The following USH2A variants were observed in gnomAD, a reference collection of about 807,000 sequenced individuals.
The protein encoded by USH2A is usherin.
A neutral mutation model predicts 538.9 loss-of-function variants in USH2A; 443 were observed. That is an observed-to-expected ratio of 0.82 (90% CI 0.76 to 0.89). The LOEUF (loss-of-function observed/expected upper bound fraction) is 0.89, where lower values mean the gene tolerates loss of function less well. USH2A is among the 40% of genes least tolerant of loss of function. The probability of loss-of-function intolerance (pLI) is 0.00; values close to 1 mark genes in which losing one functional copy is unlikely to be tolerated. For synonymous variants in USH2A, 2,413 were observed against 2,273.5 expected (o/e 1.06, Z -1.75); for missense variants, 6,633 against 6,324.8 (o/e 1.05, Z -1.65).
chr1:216,232,813 T>C (rs2102523920), intron 13 of USH2A, among the ~76,000 whole-genome samples: 1 of 152,298 alleles, frequency 6.6e-6, no homozygotes, highest in East Asian at 1.9e-4. Flanking sequence ...TAGATGCTAC[T>C]GTAGGGGCTT....
At chr1:215,968,959 T>C (rs969746918) in intron 36 of USH2A, among the ~76,000 whole-genome samples, 3 of 152,144 alleles carry the variant, frequency 2.0e-5, no homozygotes, top group Admixed American at 2.0e-4. Flanking sequence ...TAAGGACACA[T>C]TAAAAGAATC....
intron 40 of USH2A, among the ~76,000 whole-genome samples, chr1:215,896,912 G>A (rs79692866): frequency 0.12 from 17,568 of 151,934 alleles, 1,393 homozygotes; most frequent in African/African-American, 0.22. Context: ...CAAATTGGCT[G>A]GAACAAACAT....
In USH2A at chr1:216,155,703, C is replaced by T. The variant is rs141889991; in HGVS notation, c.4627+19549G>A. Among the ~76,000 whole-genome samples, 1,090 of 152,288 alleles carry T rather than the reference C, an allele frequency of 7.2e-3. 19 individuals carry two copies. Among genetic ancestry groups the T allele is most frequent in the African/African-American group, 0.025 (1,022 of 41,560 alleles). On this transcript the variant is annotated intron_variant, in intron 21 of 71. Transcript: ENST00000307340. ...GGCTTGGCTTAAATTAAACTTTTTA[C>T]TGCAATGCTGCAGTCTCGGTTAATT... is the stretch of plus-strand genomic sequence containing the variant.
At chr1:215,671,330 A>G (rs1206745290) in intron 63 of USH2A, 37 bp from the exon 64 acceptor site, 14 of 1,606,182 alleles carry the variant, frequency 8.7e-6, no homozygotes, top group Non-Finnish European at 1.1e-5. Context: ...GATTTTCAGC[A>G]AAATAGATTT....
chr1:216,038,814 T>C (rs6699579), intron 32 of USH2A, among the ~76,000 whole-genome samples: 21,514 of 151,982 alleles, frequency 0.14, 2,560 homozygotes, highest in African/African-American at 0.31. Context: ...CACCTCTATT[T>C]GTAACACTTT....
chr1:216,271,069 T>G (rs2036563932), intron 11 of USH2A, among the ~76,000 whole-genome samples: 1 of 152,174 alleles, frequency 6.6e-6, no homozygotes, highest in African/African-American at 2.4e-5. Flanking sequence ...TCTTCCCCAC[T>G]GAGGTAGATT....
rs143690971 is a variant in USH2A, at chr1:216,346,422, G to T, written c.784+18531C>A. On this transcript the variant is annotated intron_variant, in intron 4 of 71. Transcript: ENST00000307340. ...AAGGCTGTCTTGTGTTTCGCATTGC[G>T]TTATCTGATGTTTTTTACTTTTGGG... Among the ~76,000 whole-genome samples the T allele has an allele frequency of 2.5e-3, 379 of 152,136 alleles. 3 individuals carry two copies. The highest frequency in any genetic ancestry group is 8.5e-3 in the African/African-American group (355 of 41,538).
intron 35 of USH2A, among the ~76,000 whole-genome samples, chr1:215,978,166 A>G (rs764579016): frequency 2.6e-4 from 39 of 152,190 alleles, no homozygotes; most frequent in Non-Finnish European, 3.8e-4. Flanking sequence ...TTACTTTGAG[A>G]CAGACAATAG....
chr1:215,643,718 A>T (rs1039558372), intron 67 of USH2A, among the ~76,000 whole-genome samples: 1 of 151,978 alleles, frequency 6.6e-6, no homozygotes, highest in Non-Finnish European at 1.5e-5. Context: ...TTGTAGAGAT[A>T]GGTGTCTTGA....
rs1655911592 is a variant in USH2A at position 215,624,164 on chromosome 1, AATT to A, written c.*1614_*1616del. On this transcript the variant is annotated 3_prime_UTR_variant, in exon 72 of 72. Transcript: ENST00000307340. ...TCTACAGTCACTGCCAGATGTGCAC[AATT>A]ATTTCAGATGCTTTTGTTTATAGCA... is the stretch of plus-strand genomic sequence containing the variant. The A allele has an allele frequency of 6.6e-6, 1 of 152,186 alleles. No homozygotes were observed. Among genetic ancestry groups the A allele is most frequent in the South Asian group, 2.1e-4 (1 of 4,834 alleles). The allele number at this position is 152,186 out of a possible 1,614,324, so 9.4% of individuals were successfully genotyped here.
chr1:215,711,928 G>A (rs753057700), intron 61 of USH2A, among the ~76,000 whole-genome samples: 28 of 152,128 alleles, frequency 1.8e-4, no homozygotes, highest in Non-Finnish European at 3.4e-4. Flanking sequence ...TAACAGATGC[G>A]ATCACCCAGC....
chr1:216,390,081 C>G (rs1279159845), intron 3 of USH2A, among the ~76,000 whole-genome samples: 3 of 152,026 alleles, frequency 2.0e-5, no homozygotes, highest in Non-Finnish European at 4.4e-5. Flanking sequence ...AATATTTTAC[C>G]TACTTCAGCA....
At chr1:215,942,272 C>T (rs1370927666) in intron 37 of USH2A, among the ~76,000 whole-genome samples, 1 of 152,126 alleles carries the variant, frequency 6.6e-6, no homozygotes, top group Non-Finnish European at 1.5e-5. Flanking sequence ...AGTGTGACCA[C>T]TTGCTGTATC....
chr1:216,207,381 T>C lies in USH2A; in HGVS notation c.3208A>G (p.Ile1070Val), dbSNP rs776107177. Residue 1070 changes from isoleucine (I) to valine (V), a missense_variant, in exon 16 of 72, where the codon ATC becomes GTC. Coordinates refer to ENST00000307340, the MANE Select transcript of USH2A (RefSeq NM_206933.4). The stretch of plus-strand genomic sequence containing the variant: ...TCAGGTGGACTCCAGGAGAGATTGA[T>C]AGCAGAAGAACTTTGAACTTGTCCT... ...PRGQVQSSSAINLSWSPPDSP... is the reference protein window; with the variant it reads ...PRGQVQSSSAVNLSWSPPDSP... The C allele has an allele frequency of 4.3e-6, 7 of 1,613,904 alleles. No homozygotes were observed. The highest frequency in any genetic ancestry group is 3.3e-5 in the South Asian group (3 of 91,094).
intron 71 of USH2A, among the ~76,000 whole-genome samples, chr1:215,626,673 G>C (rs960646778): frequency 1.2e-4 from 18 of 152,098 alleles, no homozygotes; most frequent in African/African-American, 4.1e-4. Flanking sequence ...TGACAATACA[G>C]TATAATAGTT....
At chr1:215,936,483 T>C (rs1260319057) in intron 37 of USH2A, among the ~76,000 whole-genome samples, 1 of 152,110 alleles carries the variant, frequency 6.6e-6, no homozygotes, top group Non-Finnish European at 1.5e-5. Flanking sequence ...AATGTCTGGT[T>C]CTTCATCTGT....
intron 43 of USH2A, among the ~76,000 whole-genome samples, chr1:215,872,096 T>A (rs889212979): frequency 6.6e-6 from 1 of 152,232 alleles, no homozygotes; most frequent in Non-Finnish European, 1.5e-5. Flanking sequence ...TTCCACTAAC[T>A]CTTCCTCATC....
rs114615556 is a variant in USH2A, at chr1:215,907,040, C to T, written c.7301-6135G>A. 3.5e-3 allele frequency among the ~76,000 whole-genome samples: 534 copies of T among 151,994 alleles called. 2 individuals carry two copies. Among genetic ancestry groups the T allele is most frequent in the African/African-American group, 0.012 (506 of 41,500 alleles). On this transcript the variant is annotated intron_variant, in intron 38 of 71. Transcript: ENST00000307340. ...CAGTGACAGGAAAATAGTCACTTGGCAAGTTGTCCCATCACATTATTGAAT... is the reference window on the plus strand; with the variant it reads ...CAGTGACAGGAAAATAGTCACTTGGTAAGTTGTCCCATCACATTATTGAAT...
intron 49 of USH2A, 34 bp from the exon 50 acceptor site, chr1:215,799,159 A>G (rs763512234): frequency 6.3e-7 from 1 of 1,585,966 alleles, no homozygotes; most frequent in Non-Finnish European, 8.6e-7. Context: ...TCATTACATC[A>G]GTTAAAAAAA....
Sources: allele counts gnomAD v4.1 joint callset (sites outside exome capture counted in the v4.1 genomes callset), GRCh38; gene constraint gnomAD v4.1.1; transcripts MANE v1.5; gene names NCBI Gene and HGNC (gene_info 2026-07-23, HGNC 2026-07-21).